The following IL1R1 variants were observed in gnomAD, a reference collection of about 807,000 sequenced individuals.
The protein encoded by IL1R1 is interleukin-1 receptor type 1.
IL1R1 carries 22 observed loss-of-function variants against 50.2 expected under a neutral mutation model. The ratio of observed to expected loss-of-function variants is 0.44; its 90% CI spans 0.31 to 0.63. The LOEUF is 0.63. Ranked by LOEUF, IL1R1 falls within the 20% of genes least tolerant of loss-of-function variation. The pLI is 0.07. For synonymous variants in IL1R1, 251 were observed against 236.7 expected (o/e 1.06, Z -0.55); for missense variants, 509 against 676.2 (o/e 0.75, Z 2.74).
At chr2:102,138,474 G>A (rs1183888584), upstream of IL1R1, among the ~76,000 whole-genome samples, 1 of 152,186 alleles carries the variant, frequency 6.6e-6, no homozygotes, top group Non-Finnish European at 1.5e-5. Context: ...TATGAAATAT[G>A]TCACACTTTC....
At chr2:102,117,493 T>C (rs958435063) in intron 1 of IL1R1, among the ~76,000 whole-genome samples, 2 of 152,246 alleles carry the variant, frequency 1.3e-5, no homozygotes, top group African/African-American at 2.4e-5. Flanking sequence ...TTTAGTGTCT[T>C]CCAATTTCTT....
At chr2:102,097,360 A>C (rs1281987737) in intron 1 of IL1R1, among the ~76,000 whole-genome samples, 1 of 152,170 alleles carries the variant, frequency 6.6e-6, no homozygotes, top group African/African-American at 2.4e-5. Flanking sequence ...AATGAACATT[A>C]ATTGTCTGTA....
At chr2:102,115,891 GGAGCATCTGGAA>G (rs1296791705) in intron 1 of IL1R1, among the ~76,000 whole-genome samples, 8 of 152,226 alleles carry the variant, frequency 5.3e-5, no homozygotes, top group African/African-American at 1.9e-4. Context: ...GGGAGACTGA[GGAGCATCTGGAA>G]TGCTATACTG....
chr2:102,145,307 C>A (rs4851547), intron 1 of IL1R1, among the ~76,000 whole-genome samples: 56,978 of 152,010 alleles, frequency 0.37, 12,017 homozygotes, highest in Admixed American at 0.46. Flanking sequence ...AGGATCTGCA[C>A]TGTCAGCAGC....
chr2:102,090,738 T>A (rs956267824), intron 1 of IL1R1, among the ~76,000 whole-genome samples: 3 of 152,234 alleles, frequency 2.0e-5, no homozygotes, highest in African/African-American at 7.2e-5. Flanking sequence ...TTGAGGGTAT[T>A]AATCACAGTT....
intron 9 of IL1R1, among the ~76,000 whole-genome samples, chr2:102,174,038 C>G (rs1048208424): frequency 2.0e-5 from 3 of 152,094 alleles, no homozygotes; most frequent in African/African-American, 7.2e-5. Context: ...TTACATGGTT[C>G]CTGATATTTA....
intron 1 of IL1R1, among the ~76,000 whole-genome samples, chr2:102,072,262 CAAAA>C (rs1203487362): frequency 2.5e-5 from 2 of 78,608 alleles, no homozygotes. Context: ...TCTGTGTCAC[CAAAA>C]AAAAAAAAAA....
chr2:102,092,596 A>G (rs533923224), intron 1 of IL1R1, among the ~76,000 whole-genome samples: 3 of 152,276 alleles, frequency 2.0e-5, no homozygotes, highest in African/African-American at 4.8e-5. Context: ...AATGAGCTAA[A>G]TAACACTCGG....
intron 1 of IL1R1, among the ~76,000 whole-genome samples, chr2:102,124,996 A>G (rs1015571354): frequency 3.3e-5 from 5 of 151,980 alleles, no homozygotes; most frequent in Non-Finnish European, 7.3e-5. Context: ...CCATAATCCA[A>G]TCACCTCCCA....
intron 10 of IL1R1, 71 bp from the exon 11 acceptor site, chr2:102,175,403 ATGTT>A: frequency 9.0e-7 from 1 of 1,116,628 alleles, no homozygotes; most frequent in Middle Eastern, 2.0e-4. Context: ...TATGTAATGA[ATGTT>A]TGTGATACTG....
intron 1 of IL1R1, among the ~76,000 whole-genome samples, chr2:102,077,342 A>T (rs1452044953): frequency 6.6e-6 from 1 of 152,160 alleles, no homozygotes; most frequent in East Asian, 1.9e-4. Flanking sequence ...AAGTGCTGGG[A>T]TTATAGGTGT....
At chr2:102,092,044 T>C (rs1045698907) in intron 1 of IL1R1, among the ~76,000 whole-genome samples, 1 of 152,232 alleles carries the variant, frequency 6.6e-6, no homozygotes, top group African/African-American at 2.4e-5. Flanking sequence ...TTTCCAAAGC[T>C]TCCACATCCA....
At chr2:102,074,995 A>G (rs1290325340) in intron 1 of IL1R1, among the ~76,000 whole-genome samples, 1 of 152,122 alleles carries the variant, frequency 6.6e-6, no homozygotes, top group African/African-American at 2.4e-5. Context: ...ATGTATATAT[A>G]TGTGTGTTTA....
chr2:102,082,624 CAAACA>C (rs139456099), intron 1 of IL1R1, among the ~76,000 whole-genome samples: 3 of 151,956 alleles, frequency 2.0e-5, no homozygotes, highest in African/African-American at 7.2e-5. Context: ...ACTGCTTCAT[CAAACA>C]AAACAAAACA....
At position 102,164,861 on chromosome 2, in the gene IL1R1, A is replaced by T; in HGVS notation, c.149A>T (p.Glu50Val). The change falls in exon 4 of 12, where the codon GAA (glutamate) becomes GTA (valine). Residue 50 changes from glutamate (E) to valine (V), a missense_variant. Physicochemically the swap from Glu to Val is moderately radical, Grantham distance 121. Transcript: ENST00000410023. ...DVRPCPLNPN[E>V]HKGTITWYKD... is the part of the protein sequence containing the mutation. ...CGTCCCTGTCCTCTTAACCCAAATG[A>T]ACACAAAGGCACTATAACTTGGTAT... The T allele has an allele frequency of 6.2e-7, 1 of 1,614,102 alleles. No individual in the cohort carries two copies. Among genetic ancestry groups the T allele is most frequent in the Non-Finnish European group, 8.5e-7 (1 of 1,179,978 alleles).
chr2:102,151,154 A>G (rs541048511), intron 1 of IL1R1, among the ~76,000 whole-genome samples: 6 of 152,108 alleles, frequency 3.9e-5, no homozygotes, highest in Non-Finnish European at 8.8e-5. Flanking sequence ...CTTAGTCTCT[A>G]GTCCTATTCC....
chr2:102,166,099 C>T lies in IL1R1; in HGVS notation c.487-14C>T. 1.2e-6 allele frequency: 2 copies of T among 1,604,134 alleles called. No individual in the cohort carries two copies. Among genetic ancestry groups the T allele is most frequent in the South Asian group, 1.1e-5 (1 of 90,162 alleles). On this transcript the variant is annotated splice_polypyrimidine_tract_variant and intron_variant, in intron 5 of 11. Transcript: ENST00000410023. ...GGTTATTGGTTTTCAATGCTTCTCT[C>T]TCCCTTTATCTAGGATTGCAAACCT...
chr2:102,076,897 T>TCATAATCC (rs1678990780), intron 1 of IL1R1, among the ~76,000 whole-genome samples: 1 of 152,134 alleles, frequency 6.6e-6, no homozygotes, highest in Admixed American at 6.5e-5. Flanking sequence ...AATTCCTCTC[T>TCATAATCC]CATAATCCCC....
At chr2:102,171,965 G>A (rs750312179) in intron 8 of IL1R1, 47 bp downstream of exon 8, 2 of 969,642 alleles carry the variant, frequency 2.1e-6, no homozygotes, top group Non-Finnish European at 1.5e-6. Context: ...AATCCCACGT[G>A]ATATTTTATA....
Sources: allele counts gnomAD v4.1 joint callset (sites outside exome capture counted in the v4.1 genomes callset), GRCh38; gene constraint gnomAD v4.1.1; transcripts MANE v1.5; gene names NCBI Gene and HGNC (gene_info 2026-07-23, HGNC 2026-07-21).